Variants in ZNF69 observed in about 807,000 individuals in gnomAD.
ZNF69 encodes ZNF3.
In ZNF69, 47 loss-of-function variants were observed where a neutral mutation model predicts 50.9. The ratio of observed to expected loss-of-function variants is 0.92; its 90% confidence interval spans 0.73 to 1.18. The LOEUF (loss-of-function observed/expected upper bound fraction) is 1.18, where lower values mean the gene tolerates loss of function less well. Ranked by LOEUF, ZNF69 falls within the 50% of genes most tolerant of loss-of-function variation. ZNF69 has a pLI of 0.00. For synonymous variants in ZNF69, 216 were observed against 223.1 expected, an observed-to-expected ratio of 0.97 and a Z score of 0.29; for missense variants, 717 against 675.1, an observed-to-expected ratio of 1.06 and a Z score of -0.69.
Position 11,892,043 on chromosome 19 carries a change from T to A in ZNF69, c.63+4057T>A, listed in dbSNP as rs537433058. Among the ~76,000 whole-genome samples the A allele has an allele frequency of 6.6e-5, 10 of 152,188 alleles. No individual in the cohort carries two copies. In the East Asian group the frequency reaches 1.2e-3, roughly 18 times the overall value. ...GGCCCAGGCTGGAGCAGTGGTGCGA[T>A]CATGGCTTACTGCAGCCTTGACCTC... On this transcript the variant is annotated intron_variant, in intron 1 of 3. Transcript: ENST00000429654.
chr19:11,956,036 C>G, the ZNF69 span, among the ~76,000 whole-genome samples: 39 of 152,168 alleles, frequency 2.6e-4, no homozygotes, highest in South Asian at 2.5e-3. Context: ...GTCACTGCTC[C>G]CACTCTTAAC....
intron 1 of ZNF69, among the ~76,000 whole-genome samples, chr19:11,892,002 G>T (rs279189): frequency 0.36 from 53,899 of 151,826 alleles, 11,036 homozygotes; most frequent in African/African-American, 0.55. Flanking sequence ...TTCTTTGAGC[G>T]AATGTCTTGT....
At chr19:11,956,340 C>T in the ZNF69 span, among the ~76,000 whole-genome samples, 10 of 152,206 alleles carry the variant, frequency 6.6e-5, no homozygotes, top group African/African-American at 9.6e-5. Context: ...TACATGGTAG[C>T]GTAAACACAT....
the ZNF69 span, among the ~76,000 whole-genome samples, chr19:11,931,843 C>T: frequency 1.3e-5 from 2 of 148,262 alleles, 1 homozygote; most frequent in Non-Finnish European, 2.9e-5. Flanking sequence ...TGGCCAGGCA[C>T]GGTGGCTCGC....
chr19:11,888,516 G>A (rs1158683023), intron 1 of ZNF69, among the ~76,000 whole-genome samples: 1 of 152,238 alleles, frequency 6.6e-6, no homozygotes, highest in African/African-American at 2.4e-5. Context: ...GAGCCGAATA[G>A]GAGAGACCTT....
the ZNF69 span, chr19:11,965,212 G>C: frequency 6.2e-7 from 1 of 1,614,124 alleles, no homozygotes; most frequent in Non-Finnish European, 8.5e-7. Flanking sequence ...CCAGGAAATG[G>C]TGCGTGTGCA....
chr19:11,939,642 G>A, the ZNF69 span, among the ~76,000 whole-genome samples: 11 of 152,110 alleles, frequency 7.2e-5, no homozygotes, highest in Middle Eastern at 3.2e-3. Flanking sequence ...TGTATTTTTA[G>A]TAGAGATGGA....
At chr19:11,925,171 G>A in the ZNF69 span, 3 of 1,609,080 alleles carry the variant, frequency 1.9e-6, no homozygotes, top group East Asian at 6.7e-5. Flanking sequence ...GAGGGACCTG[G>A]TGCCTGTACC....
the ZNF69 span, chr19:11,978,598 A>G: frequency 2.5e-6 from 4 of 1,614,214 alleles, no homozygotes; most frequent in Non-Finnish European, 3.4e-6. Flanking sequence ...CACACTGGAG[A>G]GAAACCGTAT....
the ZNF69 span, among the ~76,000 whole-genome samples, chr19:11,933,763 T>G: frequency 6.8e-6 from 1 of 146,092 alleles, no homozygotes; most frequent in Admixed American, 6.7e-5. Flanking sequence ...TTGAATGGTG[T>G]GAACCCAGGA....
the ZNF69 span, chr19:11,925,057 T>C: frequency 4.0e-6 from 3 of 747,404 alleles, no homozygotes; most frequent in East Asian, 9.5e-5. Flanking sequence ...TCAGAGGTGC[T>C]GGGGCGTGGC....
chr19:11,951,950 G>A, the ZNF69 span, among the ~76,000 whole-genome samples: 30 of 152,152 alleles, frequency 2.0e-4, no homozygotes, highest in Admixed American at 1.0e-3. Context: ...TGAGGCAGGC[G>A]GATCACCTGA....
chr19:11,926,369 C>T, the ZNF69 span, among the ~76,000 whole-genome samples: 989 of 152,168 alleles, frequency 6.5e-3, 18 homozygotes, highest in African/African-American at 0.023. Context: ...GGCCAAGAGC[C>T]GGTCACTTCA....
the ZNF69 span, chr19:11,980,145 CA>C: frequency 1.3e-6 from 1 of 746,176 alleles, no homozygotes; most frequent in South Asian, 1.6e-5. Flanking sequence ...GGATAGAAAC[CA>C]AAGCAGGTGA....
intron 4 of ZNF69, among the ~76,000 whole-genome samples, chr19:11,913,153 C>T (rs1206932125): frequency 6.6e-6 from 1 of 151,606 alleles, no homozygotes; most frequent in Non-Finnish European, 1.5e-5. Context: ...GCCAAGATTG[C>T]GCCACTGCAC....
the ZNF69 span, chr19:11,948,389 A>G: frequency 1.2e-6 from 2 of 1,613,930 alleles, no homozygotes; most frequent in Non-Finnish European, 1.7e-6. Flanking sequence ...GCTTCTCCTG[A>G]AGTAAAATCA....
the ZNF69 span, chr19:11,977,576 T>C: frequency 2.8e-6 from 3 of 1,087,330 alleles, no homozygotes; most frequent in African/African-American, 3.2e-5. Context: ...TATTTACATG[T>C]GACTAAGTCT....
the ZNF69 span, among the ~76,000 whole-genome samples, chr19:11,944,357 C>T: frequency 5.9e-5 from 9 of 152,140 alleles, no homozygotes; most frequent in Non-Finnish European, 1.2e-4. Flanking sequence ...ACACTTTAAT[C>T]CTGTTTCTTG....
chr19:11,891,585 A>G (rs377491679), intron 1 of ZNF69, among the ~76,000 whole-genome samples: 21 of 152,210 alleles, frequency 1.4e-4, no homozygotes, highest in African/African-American at 5.1e-4. Flanking sequence ...GCCTACCTGC[A>G]TGGGGGCTGA....
Sources: gnomAD v4.1 joint callset for allele counts (sites outside exome capture counted in the v4.1 genomes callset) on GRCh38, gnomAD v4.1.1 for gene constraint, MANE v1.5 for transcripts, NCBI Gene and HGNC (gene_info 2026-07-23, HGNC 2026-07-21) for gene names.